RUNDC3B: variants seen among roughly 807,000 people sequenced by gnomAD.
RUNDC3B encodes RUN domain containing 3B.
A neutral mutation model predicts 58.4 loss-of-function variants in RUNDC3B; 33 were observed. The ratio of observed to expected loss-of-function variants is 0.56; its 90% CI spans 0.43 to 0.75. RUNDC3B has a LOEUF of 0.75. Ranked by LOEUF, RUNDC3B falls within the 30% of genes least tolerant of loss-of-function variation. RUNDC3B has a pLI of 0.00. For synonymous variants in RUNDC3B, 193 were observed against 195.2 expected, an observed-to-expected ratio of 0.99 and a Z score of 0.10; for missense variants, 501 against 535.7, an observed-to-expected ratio of 0.94 and a Z score of 0.64.
intron 4 of RUNDC3B, among the ~76,000 whole-genome samples, chr7:87,719,261 G>T (rs1224296790): frequency 1.3e-5 from 2 of 151,766 alleles, no homozygotes; most frequent in Non-Finnish European, 2.9e-5. Context: ...ATGGGAAGAA[G>T]TCTTTTACTT....
At chr7:87,825,511 G>A (rs1486492189) in intron 10 of RUNDC3B, among the ~76,000 whole-genome samples, 1 of 152,182 alleles carries the variant, frequency 6.6e-6, no homozygotes, top group African/African-American at 2.4e-5. Flanking sequence ...TACCAGGGCA[G>A]TGCAGAAGGG....
chr7:87,628,997 C>T (rs747828595), intron 1 of RUNDC3B, 52 bp downstream of exon 1: 2 of 1,296,594 alleles, frequency 1.5e-6, no homozygotes, highest in Admixed American at 6.5e-5. Context: ...GCTGAGAGCT[C>T]TGGGCTTCCG....
chr7:87,704,821 G>A (rs1415046498), intron 3 of RUNDC3B, among the ~76,000 whole-genome samples: 1 of 152,318 alleles, frequency 6.6e-6, no homozygotes, highest in East Asian at 1.9e-4. Flanking sequence ...AATGAAAAGA[G>A]CAGTTTACTT....
Position 87,830,102 on chromosome 7 carries a change from C to A in RUNDC3B, c.*72C>A. 1.0e-6 allele frequency: 1 copy of A among 960,966 alleles called. No homozygotes were observed. The highest frequency in any genetic ancestry group is 1.5e-6 in the Non-Finnish European group (1 of 665,938). 59.5% of individuals were successfully genotyped at this position (960,966 alleles called of 1,614,324 possible). The stretch of plus-strand genomic sequence containing the variant: ...TTTACATGTTTGACTGCTGGGAAGA[C>A]CTTTGAAATTTTATATTGTTCTGGT... On this transcript the variant is annotated 3_prime_UTR_variant, in exon 11 of 11. Transcript: ENST00000394654.
rs199579735 is a variant in RUNDC3B, at chr7:87,744,917, GT to G, written c.629+3343del. Reference sequence around the variant, plus strand: ...CAGTTCTCAGAGGGAATGCTTTTAAGTTTTTCTCATTCAGTACTATGTTGGC... The same window carrying G: ...CAGTTCTCAGAGGGAATGCTTTTAAGTTTTCTCATTCAGTACTATGTTGGC... On this transcript the variant is annotated intron_variant, in intron 6 of 10. Coordinates refer to ENST00000394654, the MANE Select transcript of RUNDC3B (RefSeq NM_001134405.2). 5.0e-3 allele frequency among the ~76,000 whole-genome samples: 756 copies of G among 152,230 alleles called. 7 individuals are homozygous for G. The highest frequency in any genetic ancestry group is 0.017 in the African/African-American group (724 of 41,548).
At chr7:87,686,812 G>A (rs377169748) in intron 2 of RUNDC3B, among the ~76,000 whole-genome samples, 57 of 151,676 alleles carry the variant, frequency 3.8e-4, no homozygotes, top group African/African-American at 1.3e-3. Flanking sequence ...GAGCATGTAG[G>A]TGTGCATCTG....
At chr7:87,650,043 A>G (rs1040159459) in intron 1 of RUNDC3B, among the ~76,000 whole-genome samples, 3 of 152,162 alleles carry the variant, frequency 2.0e-5, no homozygotes, top group African/African-American at 7.2e-5. Context: ...CAGTGTGAAA[A>G]CAGACTAATA....
intron 2 of RUNDC3B, among the ~76,000 whole-genome samples, chr7:87,657,495 G>C (rs1181148541): frequency 6.6e-6 from 1 of 152,174 alleles, no homozygotes; most frequent in African/African-American, 2.4e-5. Flanking sequence ...CAGTGTCCCA[G>C]TACCACCATT....
chr7:87,776,341 A>T (rs1002380983), intron 7 of RUNDC3B, among the ~76,000 whole-genome samples: 5 of 152,166 alleles, frequency 3.3e-5, no homozygotes, highest in African/African-American at 9.7e-5. Context: ...GAGTGAATAA[A>T]CTGCAATATT....
chr7:87,660,411 C>G (rs1283259166), intron 2 of RUNDC3B, among the ~76,000 whole-genome samples: 1 of 151,996 alleles, frequency 6.6e-6, no homozygotes, highest in Non-Finnish European at 1.5e-5. Flanking sequence ...GTAGTATTTC[C>G]TTTAATGTGA....
At chr7:87,702,911 G>A (rs1202257949) in intron 3 of RUNDC3B, among the ~76,000 whole-genome samples, 2 of 152,070 alleles carry the variant, frequency 1.3e-5, no homozygotes, top group Non-Finnish European at 2.9e-5. Flanking sequence ...ATACTCAACA[G>A]AAGGTTGAGT....
chr7:87,644,239 A>G (rs909491846), intron 1 of RUNDC3B, among the ~76,000 whole-genome samples: 3 of 152,260 alleles, frequency 2.0e-5, no homozygotes, highest in Middle Eastern at 3.4e-3. Flanking sequence ...CAGTGAACAG[A>G]TATCTCTGGG....
Position 87,700,416 on chromosome 7 carries a change from T to C in RUNDC3B, c.239-5T>C, listed in dbSNP as rs747585392. ...AAATTTTATATCGCAATTTGTCTCC[T>C]GAAGGTCAAGTAACCTGGTTTGGTT... On this transcript the variant is annotated splice_region_variant and splice_polypyrimidine_tract_variant and intron_variant, in intron 2 of 10. Transcript: ENST00000394654. The C allele has an allele frequency of 6.3e-7, 1 of 1,594,564 alleles. No homozygotes were observed. The highest frequency in any genetic ancestry group is 8.5e-7 in the Non-Finnish European group (1 of 1,173,832).
intron 2 of RUNDC3B, among the ~76,000 whole-genome samples, chr7:87,656,259 T>A (rs11977492): frequency 0.048 from 7,357 of 152,084 alleles, 266 homozygotes; most frequent in East Asian, 0.09. Flanking sequence ...AATTTAAAAA[T>A]TTTTAAATAA....
intron 8 of RUNDC3B, among the ~76,000 whole-genome samples, chr7:87,800,866 C>T (rs1472912793): frequency 6.6e-6 from 1 of 152,058 alleles, no homozygotes; most frequent in African/African-American, 2.4e-5. Context: ...CCAGGCTGGT[C>T]TTGAACTTCT....
intron 10 of RUNDC3B, among the ~76,000 whole-genome samples, chr7:87,821,541 T>C (rs1045849970): frequency 6.6e-6 from 1 of 152,144 alleles, no homozygotes; most frequent in East Asian, 1.9e-4. Context: ...AAAAAACTAC[T>C]TTAAAGTTCA....
intron 8 of RUNDC3B, among the ~76,000 whole-genome samples, chr7:87,806,638 A>G (rs1313268133): frequency 6.6e-6 from 1 of 152,202 alleles, no homozygotes; most frequent in African/African-American, 2.4e-5. Context: ...CAGAAAGCAA[A>G]TTCTTTTCTA....
At chr7:87,783,470 G>T (rs1381175676) in intron 8 of RUNDC3B, among the ~76,000 whole-genome samples, 1 of 152,066 alleles carries the variant, frequency 6.6e-6, no homozygotes, top group East Asian at 1.9e-4. Context: ...GCCTCTCTGT[G>T]TTTTTTAAGT....
chr7:87,793,820 G>A lies in RUNDC3B; in HGVS notation c.957-13553G>A, dbSNP rs150469594. On this transcript the variant is annotated intron_variant, in intron 8 of 10. Coordinates refer to ENST00000394654, the MANE Select transcript of RUNDC3B (RefSeq NM_001134405.2). The stretch of plus-strand genomic sequence containing the variant: ...CTGCTGTCATTCAGTAATAGTACTG[G>A]AAGTCCTAGCTAGAGCAATCAGAGA... Among the ~76,000 whole-genome samples the A allele has an allele frequency of 6.0e-3, 908 of 152,156 alleles. 41 individuals are homozygous for A. The highest frequency in any genetic ancestry group is 0.055 in the Admixed American group (837 of 15,284).
Sources: gnomAD v4.1 joint callset for allele counts (sites outside exome capture counted in the v4.1 genomes callset) on GRCh38, gnomAD v4.1.1 for gene constraint, MANE v1.5 for transcripts, NCBI Gene and HGNC (gene_info 2026-07-23, HGNC 2026-07-21) for gene names.